Variants in PTPRD observed in about 807,000 individuals in gnomAD.
PTPRD encodes protein tyrosine phosphatase receptor type D.
In PTPRD, 34 loss-of-function variants were observed where a neutral mutation model predicts 214.5. The ratio of observed to expected loss-of-function variants is 0.16; its 90% CI spans 0.12 to 0.21. The LOEUF (loss-of-function observed/expected upper bound fraction) is 0.21, where lower values mean the gene tolerates loss of function less well. Among genes scored for constraint, PTPRD ranks in the 10% least tolerant of loss-of-function variants. The probability of loss-of-function intolerance (pLI) is 1.00; values close to 1 mark genes in which losing one functional copy is unlikely to be tolerated. For synonymous variants in PTPRD, 1,128 were observed against 845.7 expected, an observed-to-expected ratio of 1.33 and a Z score of -5.79; for missense variants, 2,545 against 2,398.7, an observed-to-expected ratio of 1.06 and a Z score of -1.27.
chr9:10,601,936 T>C (rs16926174), intron 2 of PTPRD, among the ~76,000 whole-genome samples: 6,558 of 151,862 alleles, frequency 0.043, 216 homozygotes, highest in East Asian at 0.15. Flanking sequence ...AGAAAGGAGC[T>C]GTCTCATAGG....
chr9:8,564,188 TCTAA>T (rs1420488688), intron 14 of PTPRD, among the ~76,000 whole-genome samples: 2 of 152,174 alleles, frequency 1.3e-5, no homozygotes, highest in Non-Finnish European at 1.5e-5. Flanking sequence ...GATTATTTTT[TCTAA>T]CTGTTAGCTA....
chr9:9,458,729 C>T (rs1049911811), intron 8 of PTPRD, among the ~76,000 whole-genome samples: 2 of 151,994 alleles, frequency 1.3e-5, no homozygotes, highest in African/African-American at 4.8e-5. Flanking sequence ...TTGCTTCAGT[C>T]CAGGAATCCT....
chr9:8,905,665 G>A (rs2098702573), intron 11 of PTPRD, among the ~76,000 whole-genome samples: 1 of 151,230 alleles, frequency 6.6e-6, no homozygotes, highest in African/African-American at 2.4e-5. Flanking sequence ...CTTGAACCAG[G>A]GAGACCGAGG....
chr9:8,323,148 G>A (rs745376633), intron 44 of PTPRD, among the ~76,000 whole-genome samples: 4 of 152,138 alleles, frequency 2.6e-5, no homozygotes, highest in Admixed American at 6.5e-5. Flanking sequence ...ATGGTTGACT[G>A]AACATTTTAA....
chr9:8,329,834 TAGCCTCA>T (rs1313531610), intron 44 of PTPRD, among the ~76,000 whole-genome samples: 1 of 152,108 alleles, frequency 6.6e-6, no homozygotes, highest in Non-Finnish European at 1.5e-5. Context: ...CAGCCTACTC[TAGCCTCA>T]GCAATGGCAG....
intron 11 of PTPRD, among the ~76,000 whole-genome samples, chr9:8,736,664 A>G (rs575515731): frequency 4.6e-5 from 7 of 152,264 alleles, no homozygotes; most frequent in African/African-American, 1.4e-4. Context: ...AAAACTAAAA[A>G]GGAGAGGAAT....
chr9:8,769,326 T>C (rs1012309462), intron 11 of PTPRD, among the ~76,000 whole-genome samples: 2 of 152,210 alleles, frequency 1.3e-5, no homozygotes, highest in African/African-American at 4.8e-5. Context: ...TAAACACTAG[T>C]ACTGAGAACT....
rs2041411814 is a variant in PTPRD, at chr9:9,329,320, G to A, written c.-203+68129C>T. ...TGCAAGAGAAAAAGATTTATTCAGAGATTACAGTCTATATGACCCCATTTC... is the reference window on the plus strand; with the variant it reads ...TGCAAGAGAAAAAGATTTATTCAGAAATTACAGTCTATATGACCCCATTTC... On this transcript the variant is annotated intron_variant, in intron 9 of 45. Transcript: ENST00000381196. Among the ~76,000 whole-genome samples the A allele has an allele frequency of 2.6e-5, 4 of 152,204 alleles. No homozygotes were observed. The South Asian group carries it at 8.3e-4, about 32-fold the overall frequency.
chr9:8,646,061 GA>G lies in PTPRD; in HGVS notation c.65-9218del, dbSNP rs777090202. On this transcript the variant is annotated intron_variant, in intron 12 of 45. Transcript: ENST00000381196. The stretch of plus-strand genomic sequence containing the variant: ...TTAGAATCACCTGGGAGTCCTAAAA[GA>G]AAAAAAAAAAAAATGAAAGCTACAG... Among the ~76,000 whole-genome samples the G allele has an allele frequency of 7.2e-3, 856 of 118,744 alleles. 6 individuals are homozygous for G. Among genetic ancestry groups the G allele is most frequent in the Middle Eastern group, 0.022 (5 of 226 alleles). The allele number at this position is 118,744 out of a possible 152,430, so 77.9% of individuals were successfully genotyped here.
intron 12 of PTPRD, among the ~76,000 whole-genome samples, chr9:8,701,865 C>G (rs113540390): frequency 6.6e-6 from 1 of 152,046 alleles, no homozygotes; most frequent in Non-Finnish European, 1.5e-5. Flanking sequence ...CTAAACTATA[C>G]CTATTTTCAT....
At position 9,114,483 on chromosome 9, in the gene PTPRD, A is replaced by T. The variant is rs113905567; in HGVS notation, c.-143+68821T>A. The stretch of plus-strand genomic sequence containing the variant: ...GGGCACAATCTGAAGGTATCTGAAT[A>T]AGGGAGGGAGGTAAGCTGATTTCAT... On this transcript the variant is annotated intron_variant, in intron 10 of 45. Coordinates refer to ENST00000381196, the MANE Select transcript of PTPRD (RefSeq NM_002839.4). 1.2e-3 allele frequency among the ~76,000 whole-genome samples: 181 copies of T among 152,264 alleles called. 1 individual carries two copies. The highest frequency in any genetic ancestry group is 4.0e-3 in the African/African-American group (168 of 41,546).
intron 3 of PTPRD, among the ~76,000 whole-genome samples, chr9:10,221,434 C>T (rs1339595934): frequency 6.6e-6 from 1 of 151,902 alleles, no homozygotes; most frequent in Non-Finnish European, 1.5e-5. Context: ...ATTTTTTAAG[C>T]TTCCAACTTT....
intron 8 of PTPRD, among the ~76,000 whole-genome samples, chr9:9,536,216 C>G (rs1046668183): frequency 2.1e-4 from 32 of 151,978 alleles, no homozygotes; most frequent in Admixed American, 1.8e-3. Context: ...ATGTATCTCT[C>G]TGCTTAAGGA....
At chr9:8,932,123 T>G (rs1446579097) in intron 11 of PTPRD, among the ~76,000 whole-genome samples, 1 of 152,146 alleles carries the variant, frequency 6.6e-6, no homozygotes, top group Non-Finnish European at 1.5e-5. Flanking sequence ...CTGGATTCGT[T>G]GATTTTTTGA....
chr9:8,806,416 A>G (rs1232225642), intron 11 of PTPRD, among the ~76,000 whole-genome samples: 1 of 152,188 alleles, frequency 6.6e-6, no homozygotes, highest in African/African-American at 2.4e-5. Context: ...CACAACCAAT[A>G]TTCATATGTA....
At chr9:9,430,825 G>A (rs1419749527) in intron 8 of PTPRD, among the ~76,000 whole-genome samples, 2 of 152,280 alleles carry the variant, frequency 1.3e-5, no homozygotes, top group East Asian at 3.9e-4. Context: ...TTTAATAAAT[G>A]GTTCTGGGAA....
chr9:9,221,724 C>G (rs992452292), intron 9 of PTPRD, among the ~76,000 whole-genome samples: 1 of 152,022 alleles, frequency 6.6e-6, no homozygotes, highest in Non-Finnish European at 1.5e-5. Context: ...TGTTGGGGTT[C>G]TAGCATATAC....
At chr9:9,457,136 AGG>A (rs2093121898) in intron 8 of PTPRD, among the ~76,000 whole-genome samples, 1 of 151,952 alleles carries the variant, frequency 6.6e-6, no homozygotes, top group Non-Finnish European at 1.5e-5. Context: ...GTGAAGTACA[AGG>A]GAGCAAAGGA....
At chr9:10,539,287 C>A (rs1479236079) in intron 2 of PTPRD, among the ~76,000 whole-genome samples, 1 of 152,144 alleles carries the variant, frequency 6.6e-6, no homozygotes, top group Non-Finnish European at 1.5e-5. Flanking sequence ...CAGGATCGAG[C>A]AATTCTCCCA....
Sources: gnomAD v4.1 joint callset for allele counts (sites outside exome capture counted in the v4.1 genomes callset) on GRCh38, gnomAD v4.1.1 for gene constraint, MANE v1.5 for transcripts, NCBI Gene and HGNC (gene_info 2026-07-23, HGNC 2026-07-21) for gene names.